Variants in ALDH4A1 observed in about 807,000 individuals in gnomAD.
ALDH4A1 encodes the protein aldehyde dehydrogenase 4 family member A1.
ALDH4A1 carries 46 observed loss-of-function variants against 70.5 expected under a neutral mutation model. The observed-to-expected ratio is 0.65, with a 90% CI of 0.51 to 0.83. The LOEUF (loss-of-function observed/expected upper bound fraction) is 0.83, where lower values mean the gene tolerates loss of function less well. Among genes scored for constraint, ALDH4A1 ranks in the 40% least tolerant of loss-of-function variants. The pLI is 0.00. For missense variants in ALDH4A1, 749 were observed against 766.5 expected, an observed-to-expected ratio of 0.98 and a Z score of 0.27; for synonymous variants, 323 against 324.3, an observed-to-expected ratio of 1.00 and a Z score of 0.04.
Position 18,890,119 on chromosome 1 carries a change from G to A in ALDH4A1, c.63-14C>T, listed in dbSNP as rs768508260. 1.2e-6 allele frequency: 2 copies of A among 1,602,484 alleles called. No individual in the cohort carries two copies. Among genetic ancestry groups the A allele is most frequent in the South Asian group, 2.2e-5 (2 of 89,612 alleles). On this transcript the variant is annotated splice_polypyrimidine_tract_variant and intron_variant, in intron 1 of 14. Transcript: ENST00000375341. ...TTCCACCGCAGGCTGGAACACAAGG[G>A]CAGGGGACAGAGGCAGAGAGGTCAG... is the stretch of plus-strand genomic sequence containing the variant.
chr1:18,889,340 T>C lies in ALDH4A1; in HGVS notation c.249+22A>G, dbSNP rs941495. Reference sequence around the variant, plus strand: ...CACATATTCAGGGGAGGGGCTGAGCTCTGCCCACCCGCTGGACATACCGAC... The same window carrying C: ...CACATATTCAGGGGAGGGGCTGAGCCCTGCCCACCCGCTGGACATACCGAC... On this transcript the variant is annotated intron_variant, in intron 3 of 14. Transcript: ENST00000375341. The C allele has an allele frequency of 0.96, 1,489,647 of 1,549,528 alleles. 716,232 individuals are homozygous for C. The highest frequency in any genetic ancestry group is 1 in the East Asian group (40,893 of 40,896).
chr1:18,895,168 G>A lies in ALDH4A1; in HGVS notation c.63-5063C>T, dbSNP rs1348612958. Among the ~76,000 whole-genome samples, 3 of 152,214 alleles carry A rather than the reference G, an allele frequency of 2.0e-5. No individual in the cohort carries two copies. The East Asian group carries it at 5.8e-4, about 29-fold the overall frequency. On this transcript the variant is annotated intron_variant, in intron 1 of 14. Transcript: ENST00000375341. Reference sequence around the variant, plus strand: ...AGGAAGTGCCTGGCTCTGGGAGGCAGATATGGATCCAACCCAACCTTTCTC... The same window carrying A: ...AGGAAGTGCCTGGCTCTGGGAGGCAAATATGGATCCAACCCAACCTTTCTC...
At chr1:18,883,256 C>T (rs749738184) in intron 6 of ALDH4A1, 23 bp downstream of exon 6, 8 of 1,613,138 alleles carry the variant, frequency 5.0e-6, no homozygotes, top group Middle Eastern at 1.6e-4. Context: ...CCCGCCTGCT[C>T]GCCCACTGCC....
intron 1 of ALDH4A1, among the ~76,000 whole-genome samples, chr1:18,894,430 C>T (rs1014455850): frequency 6.6e-6 from 1 of 152,236 alleles, no homozygotes; most frequent in Non-Finnish European, 1.5e-5. Flanking sequence ...ATACACCCAG[C>T]TACTCAGGAG....
intron 1 of ALDH4A1, among the ~76,000 whole-genome samples, chr1:18,895,031 C>T (rs1451723781): frequency 2.6e-5 from 4 of 152,134 alleles, no homozygotes; most frequent in Non-Finnish European, 2.9e-5. Flanking sequence ...CATCCATTCA[C>T]GCATTTATGC....
intron 9 of ALDH4A1, 103 bp downstream of exon 9, chr1:18,879,179 GCCTGAAATGGTTCATCCA>G: frequency 1.0e-6 from 1 of 976,196 alleles, no homozygotes; most frequent in Non-Finnish European, 1.6e-6. Context: ...CAGTGCTGGT[GCCTGAAATGGTTCATCCA>G]CCTGACTTGT....
intron 4 of ALDH4A1, 148 bp from the exon 5 acceptor site, chr1:18,885,776 G>T: frequency 1.7e-6 from 2 of 1,200,658 alleles, no homozygotes; most frequent in Non-Finnish European, 2.3e-6. Flanking sequence ...TGCCACCATA[G>T]CTGCCAACAA....
At chr1:18,897,271 AG>A in intron 1 of ALDH4A1, 2 of 344,620 alleles carry the variant, frequency 5.8e-6, no homozygotes, top group Non-Finnish European at 1.2e-5. Flanking sequence ...GGCCAGGCGC[AG>A]TGGCTCATGC....
At chr1:18,900,837 C>A in intron 1 of ALDH4A1, 1 of 983,790 alleles carries the variant, frequency 1.0e-6, no homozygotes, top group African/African-American at 1.7e-5. Context: ...GATGGCAGAT[C>A]GTTTCCCATG....
At chr1:18,902,335 C>T in intron 1 of ALDH4A1, 127 bp downstream of exon 1, 1 of 746,404 alleles carries the variant, frequency 1.3e-6, no homozygotes, top group Non-Finnish European at 1.9e-6. Flanking sequence ...CTGAGGAACC[C>T]GGCGTTGACC....
chr1:18,877,551 G>A lies in ALDH4A1; in HGVS notation c.1002C>T (p.Ser334=). ...ACTCGAAGGCTGAGCGGAGGGTCCC[G>A]CTCACCACGCTCTCCACGTCGGCCG... ...HRSADVESVV[S]GTLRSAFEYG... is the part of the protein sequence containing the mutation. The change falls in exon 10 of 15, where the codon AGC becomes AGT. Residue 334 remains serine (S), a synonymous_variant. Coordinates refer to ENST00000375341, the MANE Select transcript of ALDH4A1 (RefSeq NM_003748.4). The A allele has an allele frequency of 4.3e-6, 7 of 1,611,928 alleles. No homozygotes were observed. The highest frequency in any genetic ancestry group is 5.9e-6 in the Non-Finnish European group (7 of 1,179,648).
rs1016778641 is a variant in ALDH4A1 at position 18,880,318 on chromosome 1, T to C, written c.867-945A>G. On this transcript the variant is annotated intron_variant, in intron 8 of 14. Transcript: ENST00000375341. The surrounding 1 kb of genome is among the most constrained non-coding windows in gnomAD (Gnocchi z 5.1). The stretch of plus-strand genomic sequence containing the variant: ...CGAAGTGACCAACAGGAGATTCATC[T>C]TCCCCCGAGCCCGCTCGCCCTCCCA... 1.2e-4 allele frequency among the ~76,000 whole-genome samples: 19 copies of C among 152,032 alleles called. No homozygotes were observed. The highest frequency in any genetic ancestry group is 5.9e-5 in the Non-Finnish European group (4 of 67,976).
At chr1:18,879,858 G>A (rs942109287) in intron 8 of ALDH4A1, among the ~76,000 whole-genome samples, 4 of 152,156 alleles carry the variant, frequency 2.6e-5, no homozygotes, top group African/African-American at 9.7e-5. Context: ...TCCTGGGAGA[G>A]GGAGCTCAGG....
At chr1:18,897,029 C>T (rs1935640695) in intron 1 of ALDH4A1, 2 of 531,198 alleles carry the variant, frequency 3.8e-6, no homozygotes, top group African/African-American at 3.9e-5. Context: ...AGGATCATCT[C>T]ACTGAATCCA....
intron 1 of ALDH4A1, chr1:18,900,873 A>C: frequency 1.0e-6 from 1 of 985,274 alleles, no homozygotes; most frequent in South Asian, 4.7e-5. Context: ...GACAGTACTT[A>C]CCGGCTCGGT....
chr1:18,891,866 A>G (rs1417826804), intron 1 of ALDH4A1, among the ~76,000 whole-genome samples: 2 of 152,066 alleles, frequency 1.3e-5, no homozygotes. Flanking sequence ...CGTCTCTACT[A>G]AAAATACAAA....
At chr1:18,883,519 G>T in intron 5 of ALDH4A1, 91 bp from the exon 6 acceptor site, 1 of 1,570,942 alleles carries the variant, frequency 6.4e-7, no homozygotes, top group Non-Finnish European at 8.6e-7. Context: ...AGCGAGCACT[G>T]AGCCGGGCCC....
At chr1:18,882,590 C>T (rs775939246) in intron 7 of ALDH4A1, 7 of 535,094 alleles carry the variant, frequency 1.3e-5, no homozygotes, top group Non-Finnish European at 2.3e-5. Context: ...TTACTAGTCA[C>T]TCAGTCTTGC....
intron 1 of ALDH4A1, among the ~76,000 whole-genome samples, chr1:18,894,829 C>T (rs1371526354): frequency 2.0e-5 from 3 of 152,022 alleles, no homozygotes. Flanking sequence ...CTAAGGACTC[C>T]CACCCATCAG....
Sources: allele counts gnomAD v4.1 joint callset (sites outside exome capture counted in the v4.1 genomes callset), GRCh38; gene constraint gnomAD v4.1.1; non-coding constraint Gnocchi (gnomAD v3.1); transcripts MANE v1.5; gene names NCBI Gene and HGNC (gene_info 2026-07-23, HGNC 2026-07-21).